Variants in CDK19 observed in about 807,000 individuals in gnomAD.
CDK19 encodes the protein cyclin dependent kinase 19, also known as cyclin-dependent kinase 19.
In CDK19, 20 loss-of-function variants were observed where a neutral mutation model predicts 68.3. The observed-to-expected ratio is 0.29, with a 90% CI of 0.21 to 0.43. The LOEUF (loss-of-function observed/expected upper bound fraction) is 0.43, where lower values mean the gene tolerates loss of function less well. Ranked by LOEUF, CDK19 falls within the 20% of genes least tolerant of loss-of-function variation. The pLI is 1.00. For missense variants in CDK19, 339 were observed against 623.5 expected (o/e 0.54, Z 4.86); for synonymous variants, 221 against 222.8 (o/e 0.99, Z 0.07).
At chr6:110,614,987 G>C (rs1490539196) in intron 12 of CDK19, among the ~76,000 whole-genome samples, 1 of 152,140 alleles carries the variant, frequency 6.6e-6, no homozygotes. Context: ...ACAATCCTTT[G>C]CATAACTGAG....
chr6:110,770,854 C>T (rs1046452488), intron 1 of CDK19, among the ~76,000 whole-genome samples: 1 of 152,130 alleles, frequency 6.6e-6, no homozygotes, highest in Non-Finnish European at 1.5e-5. Flanking sequence ...CCAAAACAAA[C>T]GGGTTACAGG....
chr6:110,712,735 A>G (rs949772255), intron 2 of CDK19, among the ~76,000 whole-genome samples: 23 of 152,232 alleles, frequency 1.5e-4, no homozygotes, highest in African/African-American at 5.5e-4. Context: ...CAGTGGCTAG[A>G]AACCATGTCA....
chr6:110,640,677 G>A (rs868407561), intron 4 of CDK19, among the ~76,000 whole-genome samples: 3 of 152,164 alleles, frequency 2.0e-5, no homozygotes, highest in Admixed American at 6.5e-5. Flanking sequence ...ATGGTTAGGC[G>A]TGGTGGCTCA....
intron 1 of CDK19, among the ~76,000 whole-genome samples, chr6:110,779,886 A>G (rs1780671040): frequency 6.6e-6 from 1 of 151,900 alleles, no homozygotes; most frequent in Non-Finnish European, 1.5e-5. Flanking sequence ...GGAGTTTGAG[A>G]CCAGCCTGGC....
rs1190329459 is a variant in CDK19, at chr6:110,610,147, T to C, written c.*4388A>G. On this transcript the variant is annotated 3_prime_UTR_variant, in exon 13 of 13. Transcript: ENST00000368911. ...CTCCATGGAGCAGGCCTCGCTGGGG[T>C]GCAGCGGCTCTGAGCACAAACCTCG... The C allele has an allele frequency of 1.3e-5, 2 of 152,114 alleles. No individual in the cohort carries two copies. The highest frequency in any genetic ancestry group is 2.4e-5 in the African/African-American group (1 of 41,406). The allele number at this position is 152,114 out of a possible 1,614,324, so 9.4% of individuals were successfully genotyped here.
At chr6:110,660,942 C>T (rs1781583822) in intron 4 of CDK19, among the ~76,000 whole-genome samples, 1 of 152,194 alleles carries the variant, frequency 6.6e-6, no homozygotes, top group Non-Finnish European at 1.5e-5. Context: ...CCACCCTCTT[C>T]TGCCCAGAAT....
At chr6:110,724,618 C>G (rs1424476747) in intron 2 of CDK19, among the ~76,000 whole-genome samples, 1 of 151,878 alleles carries the variant, frequency 6.6e-6, no homozygotes, top group Non-Finnish European at 1.5e-5. Flanking sequence ...AGTTTAGGCA[C>G]AACAAGATAA....
intron 2 of CDK19, among the ~76,000 whole-genome samples, chr6:110,675,993 C>T (rs929908937): frequency 6.6e-6 from 1 of 152,122 alleles, no homozygotes; most frequent in Admixed American, 6.6e-5. Context: ...TGTGATTTCT[C>T]GGATGGATCT....
chr6:110,750,888 T>A (rs1778431252), intron 1 of CDK19, among the ~76,000 whole-genome samples: 1 of 152,138 alleles, frequency 6.6e-6, no homozygotes, highest in Non-Finnish European at 1.5e-5. Context: ...CAGGCTGGAG[T>A]GCAGTGGTGC....
intron 1 of CDK19, among the ~76,000 whole-genome samples, chr6:110,777,327 G>A (rs903308438): frequency 5.9e-5 from 9 of 152,114 alleles, no homozygotes; most frequent in Non-Finnish European, 1.2e-4. Context: ...AGAGTAGCAA[G>A]ACTAAGTATT....
intron 1 of CDK19, among the ~76,000 whole-genome samples, chr6:110,756,343 T>C (rs2114928636): frequency 6.6e-6 from 1 of 151,876 alleles, no homozygotes; most frequent in East Asian, 1.9e-4. Flanking sequence ...TGAGCCGAGA[T>C]TGCACCATTG....
intron 1 of CDK19, among the ~76,000 whole-genome samples, chr6:110,804,058 G>T (rs989114815): frequency 1.3e-5 from 2 of 152,126 alleles, no homozygotes; most frequent in Admixed American, 1.3e-4. Context: ...AGAAACCATG[G>T]ACTTACCTTT....
chr6:110,697,316 T>C (rs1461525673), intron 2 of CDK19, among the ~76,000 whole-genome samples: 1 of 151,896 alleles, frequency 6.6e-6, no homozygotes. Context: ...GTACACAAAT[T>C]AGTAGCACTG....
intron 1 of CDK19, among the ~76,000 whole-genome samples, chr6:110,795,790 A>G (rs1781894968): frequency 6.6e-6 from 1 of 152,184 alleles, no homozygotes; most frequent in Non-Finnish European, 1.5e-5. Flanking sequence ...AGTTCAGTAA[A>G]GCATTGCATA....
chr6:110,807,799 T>G (rs951406288), intron 1 of CDK19, among the ~76,000 whole-genome samples: 2 of 151,588 alleles, frequency 1.3e-5, no homozygotes, highest in Admixed American at 6.6e-5. Context: ...ATTTACAAAC[T>G]TTTTTTTATA....
chr6:110,669,299 G>A (rs1770786012), intron 3 of CDK19, among the ~76,000 whole-genome samples: 2 of 152,176 alleles, frequency 1.3e-5, no homozygotes, highest in Non-Finnish European at 2.9e-5. Context: ...TTATATAGAT[G>A]ACAAACCACA....
chr6:110,815,001 G>C lies in CDK19; in HGVS notation c.128+8C>G, dbSNP rs768136370. Reference sequence around the variant, plus strand: ...GAGCGAGCCTACTCCTCCCGCCCCTGCTCTTACCCATCTTTCCGCCTCGCC... The same window carrying C: ...GAGCGAGCCTACTCCTCCCGCCCCTCCTCTTACCCATCTTTCCGCCTCGCC... On this transcript the variant is annotated splice_region_variant and intron_variant, in intron 1 of 12. Transcript: ENST00000368911. The C allele has an allele frequency of 1.2e-6, 2 of 1,603,602 alleles. No homozygotes were observed. The highest frequency in any genetic ancestry group is 1.1e-5 in the South Asian group (1 of 90,172).
intron 2 of CDK19, among the ~76,000 whole-genome samples, chr6:110,743,056 T>C (rs1290110921): frequency 6.6e-6 from 1 of 152,192 alleles, no homozygotes; most frequent in Non-Finnish European, 1.5e-5. Context: ...TTCCTCTCTT[T>C]GTACTCTTTC....
At chr6:110,757,565 A>T (rs909780987) in intron 1 of CDK19, among the ~76,000 whole-genome samples, 1 of 152,160 alleles carries the variant, frequency 6.6e-6, no homozygotes, top group East Asian at 1.9e-4. Flanking sequence ...GGTTAATTTT[A>T]TTTTTTAATT....
Sources: gnomAD v4.1 joint callset for allele counts (sites outside exome capture counted in the v4.1 genomes callset) on GRCh38, gnomAD v4.1.1 for gene constraint, MANE v1.5 for transcripts, NCBI Gene and HGNC (gene_info 2026-07-23, HGNC 2026-07-21) for gene names.